Variants in TMC1 observed in about 807,000 individuals in gnomAD.
TMC1 encodes the protein transmembrane channel-like protein 1.
In TMC1, 84 loss-of-function variants were observed where a neutral mutation model predicts 105.8. That is an observed-to-expected ratio of 0.79 (90% CI 0.67 to 0.95). The LOEUF is 0.95. Among genes scored for constraint, TMC1 ranks in the 40% least tolerant of loss-of-function variants. The probability of loss-of-function intolerance (pLI) is 0.00; values close to 1 mark genes in which losing one functional copy is unlikely to be tolerated. For missense variants in TMC1, 817 were observed against 914.1 expected (o/e 0.89, Z 1.37); for synonymous variants, 315 against 311.5 (o/e 1.01, Z -0.12).
intron 5 of TMC1, among the ~76,000 whole-genome samples, chr9:72,681,908 TA>T (rs1181770572): frequency 6.6e-6 from 1 of 152,122 alleles, no homozygotes; most frequent in Admixed American, 6.6e-5. Flanking sequence ...ATTGTGTTTT[TA>T]ATAAAGCAGA....
chr9:72,749,751 T>C (rs1233611850), intron 10 of TMC1, among the ~76,000 whole-genome samples: 1 of 152,158 alleles, frequency 6.6e-6, no homozygotes, highest in Non-Finnish European at 1.5e-5. Flanking sequence ...AAAGATTGAC[T>C]TCTTAAGTTT....
chr9:72,806,388 C>T (rs1390976563), intron 18 of TMC1, among the ~76,000 whole-genome samples: 5 of 139,630 alleles, frequency 3.6e-5, no homozygotes, highest in African/African-American at 5.4e-5. Context: ...GGCGGCTGGC[C>T]GGGCGGGGGG....
chr9:72,742,572 T>C, intron 10 of TMC1, 47 bp downstream of exon 10: 1 of 1,479,790 alleles, frequency 6.8e-7, no homozygotes, highest in Non-Finnish European at 9.4e-7. Context: ...CTTAGAGAAG[T>C]ATCTCATAAG....
chr9:72,787,838 G>A (rs1272306878), intron 13 of TMC1, among the ~76,000 whole-genome samples: 1 of 152,102 alleles, frequency 6.6e-6, no homozygotes, highest in Non-Finnish European at 1.5e-5. Context: ...TTTGGGATGA[G>A]ATTCTAGGGG....
At chr9:72,797,821 G>A (rs1828398535) in intron 17 of TMC1, among the ~76,000 whole-genome samples, 1 of 152,120 alleles carries the variant, frequency 6.6e-6, no homozygotes, top group Non-Finnish European at 1.5e-5. Context: ...AAGATTTCAT[G>A]ACAAAAATGC....
Position 72,747,977 on chromosome 9 carries a change from G to C in TMC1, c.536-3873G>C, listed in dbSNP as rs529067593. 1.2e-3 allele frequency among the ~76,000 whole-genome samples: 182 copies of C among 152,216 alleles called. 1 individual carries two copies. The highest frequency in any genetic ancestry group is 4.1e-3 in the African/African-American group (171 of 41,518). ...TAAAGAAATAAGAATTGGTCATTATGGGCATCAAATTTGTGAATCTGACTG... is the reference window on the plus strand; with the variant it reads ...TAAAGAAATAAGAATTGGTCATTATCGGCATCAAATTTGTGAATCTGACTG... On this transcript the variant is annotated intron_variant, in intron 10 of 23. Coordinates refer to ENST00000297784, the MANE Select transcript of TMC1 (RefSeq NM_138691.3).
At chr9:72,696,040 C>T (rs530934845) in intron 7 of TMC1, among the ~76,000 whole-genome samples, 98 of 152,274 alleles carry the variant, frequency 6.4e-4, no homozygotes, top group Non-Finnish European at 1.1e-3. Flanking sequence ...AGTGGTATTT[C>T]ATTGAGAAAA....
chr9:72,572,510 ATC>A lies in TMC1; in HGVS notation c.-427-5386_-427-5385del, dbSNP rs1824306619. 2.0e-5 allele frequency among the ~76,000 whole-genome samples: 3 copies of A among 152,276 alleles called. No individual in the cohort carries two copies. The South Asian group carries it at 6.2e-4, about 32-fold the overall frequency. On this transcript the variant is annotated intron_variant, in intron 1 of 23. Transcript: ENST00000297784. Reference sequence around the variant, plus strand: ...GGTACTATGGGCAGTATCCTTGAACATCTCTCTTTGTATAAATGTGAAAGACA... The same window carrying A: ...GGTACTATGGGCAGTATCCTTGAACATCTCTTTGTATAAATGTGAAAGACA...
chr9:72,669,305 TC>T (rs1225277607), intron 5 of TMC1, among the ~76,000 whole-genome samples: 1 of 151,808 alleles, frequency 6.6e-6, no homozygotes, highest in African/African-American at 2.4e-5. Context: ...TAAGACTCTA[TC>T]TAAAGAAAAA....
chr9:72,614,619 G>A (rs1825090020), intron 2 of TMC1, among the ~76,000 whole-genome samples: 1 of 152,094 alleles, frequency 6.6e-6, no homozygotes, highest in Non-Finnish European at 1.5e-5. Context: ...CTTTATACTT[G>A]GGTCCAATCT....
At chr9:72,790,126 C>T (rs548461666) in intron 15 of TMC1, among the ~76,000 whole-genome samples, 24 of 152,186 alleles carry the variant, frequency 1.6e-4, no homozygotes, top group African/African-American at 5.8e-4. Context: ...TATGATGTGA[C>T]GTCATTTTGA....
chr9:72,584,784 C>CTTTTTTTTTTTTTTTTTTTTTTT lies in TMC1; in HGVS notation c.-306+6779_-306+6780insTTTTTTTTTTTTTTTTTTTTTTT, dbSNP rs71357591. ...GTAGTTCTCCTTTTTCTTTTCTTTTCTTTTTTTTTTTTTTTTTTGAGACAG... is the reference window on the plus strand; with the variant it reads ...GTAGTTCTCCTTTTTCTTTTCTTTTCTTTTTTTTTTTTTTTTTTTTTTTTTTTTTTTTTTTTTTTTTGAGACAG... On this transcript the variant is annotated intron_variant, in intron 2 of 23. Coordinates refer to ENST00000297784, the MANE Select transcript of TMC1 (RefSeq NM_138691.3). Among the ~76,000 whole-genome samples, 108 of 112,978 alleles carry CTTTTTTTTTTTTTTTTTTTTTTT rather than the reference C, an allele frequency of 9.6e-4. 2 individuals are homozygous for CTTTTTTTTTTTTTTTTTTTTTTT. Among genetic ancestry groups the CTTTTTTTTTTTTTTTTTTTTTTT allele is most frequent in the African/African-American group, 1.6e-3 (45 of 28,406 alleles). The allele number at this position is 112,978 out of a possible 152,430, so 74.1% of individuals were successfully genotyped here.
intron 15 of TMC1, among the ~76,000 whole-genome samples, chr9:72,791,199 C>A (rs1287336767): frequency 6.6e-6 from 1 of 151,810 alleles, no homozygotes; most frequent in Non-Finnish European, 1.5e-5. Flanking sequence ...CTTTCTCTCT[C>A]CCCCCTCTCC....
intron 5 of TMC1, among the ~76,000 whole-genome samples, chr9:72,673,906 T>C (rs2132170999): frequency 6.6e-6 from 1 of 152,242 alleles, no homozygotes; most frequent in East Asian, 1.9e-4. Flanking sequence ...AGGAAATATT[T>C]CCCAACTCTC....
chr9:72,652,088 G>A (rs965180830), intron 5 of TMC1, among the ~76,000 whole-genome samples: 1 of 151,922 alleles, frequency 6.6e-6, no homozygotes. Context: ...TTGATTTTTT[G>A]ATCATGACCA....
intron 18 of TMC1, among the ~76,000 whole-genome samples, chr9:72,808,330 C>T (rs1215505081): frequency 6.6e-6 from 1 of 152,170 alleles, no homozygotes; most frequent in South Asian, 2.1e-4. Context: ...GTGCTGTTGC[C>T]CTAGAGCTAG....
Position 72,765,416 on chromosome 9 carries a change from C to A in TMC1, c.742-6997C>A, listed in dbSNP as rs1827813774. Among the ~76,000 whole-genome samples the A allele has an allele frequency of 1.3e-5, 2 of 151,854 alleles. 1 individual carries two copies. Among genetic ancestry groups the A allele is most frequent in the South Asian group, 4.2e-4 (2 of 4,818 alleles). ...CAACTGGCTGTGGTTGAGAGGTCAA[C>A]AAAGGCTTTACAAGTATCTTGAACC... is the stretch of plus-strand genomic sequence containing the variant. On this transcript the variant is annotated intron_variant, in intron 12 of 23. Transcript: ENST00000297784.
chr9:72,822,514 T>G (rs1039417509), intron 20 of TMC1, among the ~76,000 whole-genome samples: 2 of 135,768 alleles, frequency 1.5e-5, no homozygotes, highest in Non-Finnish European at 3.2e-5. Flanking sequence ...GTTAATTCCG[T>G]TGTGTGTGTG....
chr9:72,687,673 T>C lies in TMC1; in HGVS notation c.17-1036T>C, dbSNP rs574356042. 2.6e-4 allele frequency among the ~76,000 whole-genome samples: 39 copies of C among 152,328 alleles called. No homozygotes were observed. In the South Asian group the frequency reaches 7.2e-3, roughly 28 times the overall value. On this transcript the variant is annotated intron_variant, in intron 5 of 23. Coordinates refer to ENST00000297784, the MANE Select transcript of TMC1 (RefSeq NM_138691.3). ...TTCTTTGTGAATGGAATTTACACTCTTGGCATGTGTTGCCTTTTCAATATG... is the reference window on the plus strand; with the variant it reads ...TTCTTTGTGAATGGAATTTACACTCCTGGCATGTGTTGCCTTTTCAATATG...
Sources: allele counts gnomAD v4.1 joint callset (sites outside exome capture counted in the v4.1 genomes callset), GRCh38; gene constraint gnomAD v4.1.1; transcripts MANE v1.5; gene names NCBI Gene and HGNC (gene_info 2026-07-23, HGNC 2026-07-21).